The following DPEP1 variants were observed in gnomAD, a reference collection of about 807,000 sequenced individuals.
DPEP1 encodes beta-lactamase.
Under a neutral mutation model 42.3 loss-of-function variants are expected in DPEP1, and 50 were observed. That is an observed-to-expected ratio of 1.18 (90% CI 0.94 to 1.50). DPEP1 has a LOEUF of 1.50. DPEP1 is among the 40% of genes most tolerant of loss of function. The pLI is 0.00. For missense variants in DPEP1, 663 were observed against 553.0 expected (o/e 1.20, Z -1.99); for synonymous variants, 297 against 234.0 (o/e 1.27, Z -2.46).
In DPEP1 at chr16:89,636,032, G is replaced by A. The variant is rs1326948482; in HGVS notation, c.229G>A (p.Gly77Arg). Residue 77 changes from glycine to arginine, a missense_variant, in exon 3 of 11, where the codon GGA becomes AGA. Transcript: ENST00000690203. ...NIPKLRAGFV[G>R]GQFWSVYTPC... ...CCCCAAGCTGAGGGCCGGCTTTGTG[G>A]GAGGCCAGGTACCGCCTGCCCTGCC... 5.0e-6 allele frequency: 8 copies of A among 1,608,534 alleles called. No homozygotes were observed. The highest frequency in any genetic ancestry group is 6.8e-6 in the Non-Finnish European group (8 of 1,177,842).
Position 89,634,438 on chromosome 16 carries a change from C to A in DPEP1, c.105-1470C>A, listed in dbSNP as rs1248344511. 2.0e-5 allele frequency among the ~76,000 whole-genome samples: 3 copies of A among 152,154 alleles called. No individual in the cohort carries two copies. The South Asian group carries it at 6.2e-4, about 32-fold the overall frequency. On this transcript the variant is annotated intron_variant, in intron 2 of 10. Coordinates refer to ENST00000690203, the MANE Select transcript of DPEP1 (RefSeq NM_001389466.1). ...GATTCCCTTTGCTCCTGGTCTCTGCCAGGCCCTGTTGGGCAGCTGGATTCG... is the reference window on the plus strand; with the variant it reads ...GATTCCCTTTGCTCCTGGTCTCTGCAAGGCCCTGTTGGGCAGCTGGATTCG...
At position 89,637,566 on chromosome 16, in the gene DPEP1, G is replaced by C; in HGVS notation, c.853+14G>C. ...CCCAAGTGGCCGGTAGGTGGGGTGT[G>C]AGCGGCCAAGGGGGCCGAAGGGGGA... On this transcript the variant is annotated intron_variant, in intron 8 of 10. Coordinates refer to ENST00000690203, the MANE Select transcript of DPEP1 (RefSeq NM_001389466.1). 1.2e-6 allele frequency: 2 copies of C among 1,612,832 alleles called. No homozygotes were observed. Among genetic ancestry groups the C allele is most frequent in the African/African-American group, 1.3e-5 (1 of 75,068 alleles).
intron 3 of DPEP1, 107 bp from the exon 4 acceptor site, chr16:89,636,157 G>A (rs1366013887): frequency 1.3e-6 from 2 of 1,547,464 alleles, no homozygotes; most frequent in East Asian, 2.4e-5. Context: ...CGGTGCCCAG[G>A]CCGAGGGAGG....
In DPEP1 at chr16:89,637,471, C is replaced by CA. The variant is rs751695394; in HGVS notation, c.773dup (p.Thr259AspfsTer48). The CA allele has an allele frequency of 6.2e-7, 1 of 1,612,674 alleles. No homozygotes were observed. Among genetic ancestry groups the CA allele is most frequent in the South Asian group, 1.1e-5 (1 of 91,086 alleles). ...CCCTGTCTTCCTTCTTGTGCAGAAA[C>CA]AGACAGACAGCCTGGTGATGGTGAA... On this transcript the variant is annotated frameshift_variant, in exon 8 of 11. Transcript: ENST00000690203. LOFTEE classifies it high-confidence loss of function.
Position 89,628,016 on chromosome 16 carries a change from G to A in DPEP1, c.-106-2289G>A, listed in dbSNP as rs549308567. On this transcript the variant is annotated intron_variant, in intron 1 of 10. Transcript: ENST00000690203. Reference sequence around the variant, plus strand: ...CGGCTCACTGCAAGCTCTGCCTCCCGGGTTCATGCCATTCTCCTGCCTCAG... The same window carrying A: ...CGGCTCACTGCAAGCTCTGCCTCCCAGGTTCATGCCATTCTCCTGCCTCAG... Among the ~76,000 whole-genome samples the A allele has an allele frequency of 3.1e-3, 465 of 151,990 alleles. 1 individual carries two copies. The highest frequency in any genetic ancestry group is 0.01 in the African/African-American group (434 of 41,460).
chr16:89,625,064 A>G (rs542642824), intron 1 of DPEP1, among the ~76,000 whole-genome samples: 1 of 152,140 alleles, frequency 6.6e-6, no homozygotes, highest in South Asian at 2.1e-4. Flanking sequence ...CTCAGGGTGT[A>G]GTTTTTGGAA....
At position 89,638,364 on chromosome 16, in the gene DPEP1, G is replaced by A; in HGVS notation, c.*142G>A. The A allele has an allele frequency of 1.4e-6, 2 of 1,423,870 alleles. No homozygotes were observed. The highest frequency in any genetic ancestry group is 3.0e-5 in the Admixed American group (1 of 33,366). The allele number at this position is 1,423,870 out of a possible 1,614,324, so 88.2% of individuals were successfully genotyped here. ...AGAGGACGCCTGGGCTTACCTGGGG[G>A]GCAGGATGCCTGGGGACAGTTCAGG... is the stretch of plus-strand genomic sequence containing the variant. On this transcript the variant is annotated 3_prime_UTR_variant, in exon 11 of 11. Coordinates refer to ENST00000690203, the MANE Select transcript of DPEP1 (RefSeq NM_001389466.1).
intron 2 of DPEP1, among the ~76,000 whole-genome samples, chr16:89,632,565 TTTTCCAGCAC>T (rs1269258023): frequency 1.3e-5 from 2 of 152,176 alleles, no homozygotes; most frequent in Admixed American, 1.3e-4. Context: ...TGCTTGCCGC[TTTTCCAGCAC>T]TTTCCAGCAC....
chr16:89,627,574 C>CAG (rs1247298868), intron 1 of DPEP1, among the ~76,000 whole-genome samples: 86 of 144,196 alleles, frequency 6.0e-4, no homozygotes, highest in Non-Finnish European at 1.1e-3. Flanking sequence ...GACTCTGTCT[C>CAG]AGAGAGAGAG....
intron 10 of DPEP1, 21 bp from the exon 11 acceptor site, chr16:89,638,031 C>G (rs1449201383): frequency 1.2e-6 from 2 of 1,611,114 alleles, no homozygotes; most frequent in South Asian, 2.2e-5. Context: ...GGCTGCCCCA[C>G]CCGTGTCTGT....
Position 89,631,037 on chromosome 16 carries a change from C to T in DPEP1, c.104+523C>T, listed in dbSNP as rs142504280. Among the ~76,000 whole-genome samples the T allele has an allele frequency of 8.1e-3, 1,236 of 152,158 alleles. 3 individuals carry two copies. Among genetic ancestry groups the T allele is most frequent in the Middle Eastern group, 0.014 (4 of 294 alleles). On this transcript the variant is annotated intron_variant, in intron 2 of 10. Coordinates refer to ENST00000690203, the MANE Select transcript of DPEP1 (RefSeq NM_001389466.1). Reference sequence around the variant, plus strand: ...AAGCTCAGAGTGAGGTCTGAGCCTGCGGACGTGGAGGCCCTGCGCCCCAAT... The same window carrying T: ...AAGCTCAGAGTGAGGTCTGAGCCTGTGGACGTGGAGGCCCTGCGCCCCAAT...
chr16:89,634,057 C>G (rs2059625971), intron 2 of DPEP1, among the ~76,000 whole-genome samples: 1 of 149,566 alleles, frequency 6.7e-6, no homozygotes, highest in Non-Finnish European at 1.5e-5. Flanking sequence ...CCCCTTAGAG[C>G]TGCATTTCTA....
chr16:89,628,247 C>CTTTTTT (rs1334855414), intron 1 of DPEP1, among the ~76,000 whole-genome samples: 11 of 84,574 alleles, frequency 1.3e-4, no homozygotes, highest in African/African-American at 6.2e-4. Context: ...TTCTTTCTTT[C>CTTTTTT]TTTTCTTTCT....
At chr16:89,630,557 G>C in intron 2 of DPEP1, 43 bp downstream of exon 2, 3 of 1,244,396 alleles carry the variant, frequency 2.4e-6, no homozygotes, top group Non-Finnish European at 3.3e-6. Flanking sequence ...ACCAGGACTG[G>C]GAACTGGGGC....
In DPEP1 at chr16:89,618,914, TCCCTGCTCCCTCCCTGCAGCTCCCTGCCC is replaced by T. The variant is rs1567979754; in HGVS notation, c.-107+5206_-107+5234del. ...ACCTTTGGCTTCCGGAGGGTTGCCC[TCCCTGCTCCCTCCCTGCAGCTCCCTGCCC>T]CCCTGCTCCCCTCCCTGCAGCCCCC... On this transcript the variant is annotated intron_variant, in intron 1 of 10. Coordinates refer to ENST00000690203, the MANE Select transcript of DPEP1 (RefSeq NM_001389466.1). Among the ~76,000 whole-genome samples, 27 of 144,630 alleles carry T rather than the reference TCCCTGCTCCCTCCCTGCAGCTCCCTGCCC, an allele frequency of 1.9e-4. 2 individuals are homozygous for T. In the East Asian group the frequency reaches 2.9e-3, roughly 16 times the overall value. 94.9% of individuals were successfully genotyped at this position (144,630 alleles called of 152,430 possible).
In DPEP1 at chr16:89,636,053, C is replaced by T. The variant is rs372504738; in HGVS notation, c.237+13C>T. The T allele has an allele frequency of 5.6e-6, 9 of 1,600,068 alleles. No homozygotes were observed. The highest frequency in any genetic ancestry group is 2.3e-5 in the South Asian group (2 of 88,842). On this transcript the variant is annotated intron_variant, in intron 3 of 10. Coordinates refer to ENST00000690203, the MANE Select transcript of DPEP1 (RefSeq NM_001389466.1). ...TGTGGGAGGCCAGGTACCGCCTGCC[C>T]TGCCTTGTGCTTGCCCTGTGTGGGG...
chr16:89,617,788 C>CCGGGCGCGGTGGCT (rs2059396514), intron 1 of DPEP1, among the ~76,000 whole-genome samples: 5 of 151,934 alleles, frequency 3.3e-5, no homozygotes, highest in East Asian at 1.9e-4. Flanking sequence ...CTGTGGGAGG[C>CCGGGCGCGGTGGCT]CAAGACGGGC....
At chr16:89,616,766 A>G in intron 1 of DPEP1, 1 of 275,534 alleles carries the variant, frequency 3.6e-6, no homozygotes, top group Non-Finnish European at 7.2e-6. Context: ...AGCGACCAGG[A>G]AGCGGCCAGG....
Position 89,630,473 on chromosome 16 carries a change from C to A in DPEP1, c.63C>A (p.Asp21Glu), listed in dbSNP as rs371346042. ...TCTGCACTGCAGACTTCTTTCGGGA[C>A]GAGGCAGAGAGGATCATGAGGGACT... ...VAVCTADFFR[D>E]EAERIMRDSP... is the part of the protein sequence containing the mutation. Residue 21 changes from aspartate to glutamate, a missense_variant, in exon 2 of 11, where the codon GAC becomes GAA. Transcript: ENST00000690203. 8 of 1,608,560 alleles carry A rather than the reference C, an allele frequency of 5.0e-6. No homozygotes were observed. The highest frequency in any genetic ancestry group is 1.7e-4 in the Middle Eastern group (1 of 6,054).
Sources: allele counts gnomAD v4.1 joint callset (sites outside exome capture counted in the v4.1 genomes callset), GRCh38; gene constraint gnomAD v4.1.1; transcripts MANE v1.5; gene names NCBI Gene and HGNC (gene_info 2026-07-23, HGNC 2026-07-21).